Variants in COL11A1 observed in about 807,000 individuals in gnomAD.
The protein encoded by COL11A1 is collagen type XI alpha 1 chain, also known as collagen alpha-1(XI) chain.
COL11A1 carries 74 observed loss-of-function variants against 265.2 expected under a neutral mutation model. The ratio of observed to expected loss-of-function variants is 0.28; its 90% confidence interval spans 0.23 to 0.34. The LOEUF is 0.34. Ranked by LOEUF, COL11A1 falls within the 10% of genes least tolerant of loss-of-function variation. COL11A1 has a pLI of 1.00. For missense variants in COL11A1, 2,165 were observed against 2,263.6 expected (o/e 0.96, Z 0.88); for synonymous variants, 816 against 727.6 (o/e 1.12, Z -1.96).
rs773318998 is a variant in COL11A1 at position 102,935,070 on chromosome 1, G to C, written c.3482C>G (p.Pro1161Arg). ...PPGLQGPVGA[P>R]GIAGGDGEPG... ...ATGTGGAATACTCACAGCAATTCCAGGGGCACCAACTGGTCCTTGAAGACC... is the reference window on the plus strand; with the variant it reads ...ATGTGGAATACTCACAGCAATTCCACGGGCACCAACTGGTCCTTGAAGACC... Residue 1161 changes from proline (P) to arginine (R), a missense_variant, in exon 45 of 67, where the codon CCT (proline) becomes CGT (arginine). Coordinates refer to ENST00000370096, the MANE Select transcript of COL11A1 (RefSeq NM_001854.4). The C allele has an allele frequency of 1.2e-6, 2 of 1,614,054 alleles. No individual in the cohort carries two copies. The highest frequency in any genetic ancestry group is 1.7e-6 in the Non-Finnish European group (2 of 1,179,954).
intron 4 of COL11A1, among the ~76,000 whole-genome samples, chr1:103,067,809 G>T (rs1158677418): frequency 6.6e-6 from 1 of 151,574 alleles, no homozygotes; most frequent in Non-Finnish European, 1.5e-5. Flanking sequence ...ATAATGAAAT[G>T]CTACAAACAG....
chr1:102,909,901 T>C (rs1438893781), intron 54 of COL11A1, among the ~76,000 whole-genome samples: 1 of 136,668 alleles, frequency 7.3e-6, no homozygotes, highest in African/African-American at 2.5e-5. Context: ...ATTTTAAAAA[T>C]ATGTTATAAT....
At chr1:103,084,845 T>G (rs12727959) in intron 1 of COL11A1, among the ~76,000 whole-genome samples, 6,513 of 152,284 alleles carry the variant, frequency 0.043, 147 homozygotes, top group Middle Eastern at 0.092. Context: ...ATAGGCTCAC[T>G]GATATAAACC....
intron 19 of COL11A1, 58 bp downstream of exon 19, chr1:103,004,550 T>A (rs1402591256): frequency 6.3e-7 from 1 of 1,586,624 alleles, no homozygotes; most frequent in Non-Finnish European, 8.6e-7. Context: ...TTCAACATGA[T>A]TTTGTTTTAT....
At chr1:103,006,427 C>A in intron 15 of COL11A1, 112 bp from the exon 16 acceptor site, 1 of 593,238 alleles carries the variant, frequency 1.7e-6, no homozygotes. Flanking sequence ...TTACCTTAAT[C>A]ATTCAAACAC....
intron 8 of COL11A1, among the ~76,000 whole-genome samples, 169 bp from the exon 9 acceptor site, chr1:103,021,938 C>A (rs1418858122): frequency 6.6e-6 from 1 of 151,554 alleles, no homozygotes; most frequent in African/African-American, 2.4e-5. Context: ...AGCTCGCCTG[C>A]CGGGTTCACG....
chr1:102,917,321 T>C lies in COL11A1; in HGVS notation c.3763-1637A>G, dbSNP rs573153799. On this transcript the variant is annotated intron_variant, in intron 49 of 66. Coordinates refer to ENST00000370096, the MANE Select transcript of COL11A1 (RefSeq NM_001854.4). Reference sequence around the variant, plus strand: ...TAAACTAGACTCCTATCTCTTACCATATACAAAAATCAACTCAAGAAGGAT... The same window carrying C: ...TAAACTAGACTCCTATCTCTTACCACATACAAAAATCAACTCAAGAAGGAT... Among the ~76,000 whole-genome samples, 20 of 151,936 alleles carry C rather than the reference T, an allele frequency of 1.3e-4. 1 individual carries two copies. Among genetic ancestry groups the C allele is most frequent in the Non-Finnish European group, 2.5e-4 (17 of 67,860 alleles).
intron 14 of COL11A1, among the ~76,000 whole-genome samples, chr1:103,009,989 T>A (rs1665964058): frequency 6.6e-6 from 1 of 152,166 alleles, no homozygotes; most frequent in Non-Finnish European, 1.5e-5. Flanking sequence ...TCGACTGTAT[T>A]ACATTCTCTG....
At chr1:102,994,861 T>C (rs1235144965) in intron 28 of COL11A1, among the ~76,000 whole-genome samples, 1 of 152,084 alleles carries the variant, frequency 6.6e-6, no homozygotes, top group African/African-American at 2.4e-5. Flanking sequence ...CAGTTCTGCA[T>C]GGCTGGGGAA....
intron 41 of COL11A1, among the ~76,000 whole-genome samples, chr1:102,948,628 A>G (rs1298618209): frequency 6.6e-6 from 1 of 152,050 alleles, no homozygotes; most frequent in Non-Finnish European, 1.5e-5. Flanking sequence ...AATGAGTTGT[A>G]TGTAAACTCT....
intron 29 of COL11A1, among the ~76,000 whole-genome samples, chr1:102,988,371 T>C (rs1480542799): frequency 1.3e-5 from 2 of 152,196 alleles, no homozygotes; most frequent in Non-Finnish European, 1.5e-5. Flanking sequence ...TTGTGGAGGC[T>C]AATTTGAGTA....
At chr1:103,078,592 G>T in intron 3 of COL11A1, 66 bp downstream of exon 3, 1 of 1,458,080 alleles carries the variant, frequency 6.9e-7, no homozygotes, top group Non-Finnish European at 9.6e-7. Context: ...ATAAATATTT[G>T]TTAAGTGACT....
intron 25 of COL11A1, among the ~76,000 whole-genome samples, chr1:102,997,964 C>T (rs185707757): frequency 6.6e-6 from 1 of 151,536 alleles, no homozygotes; most frequent in Non-Finnish European, 1.5e-5. Context: ...GAGGAAACAG[C>T]TTGGGAAAGG....
At chr1:103,066,371 G>A (rs1671146026) in intron 4 of COL11A1, among the ~76,000 whole-genome samples, 2 of 151,680 alleles carry the variant, frequency 1.3e-5, no homozygotes. Flanking sequence ...GTATGACAAG[G>A]AGATTGAAAT....
intron 57 of COL11A1, among the ~76,000 whole-genome samples, chr1:102,897,489 T>C (rs1180625960): frequency 4.6e-5 from 7 of 151,882 alleles, no homozygotes; most frequent in Non-Finnish European, 8.8e-5. Flanking sequence ...AAGGAATTAT[T>C]TTAAAGGGCA....
chr1:103,037,252 T>TTG (rs10582908), intron 4 of COL11A1, among the ~76,000 whole-genome samples: 9,186 of 145,104 alleles, frequency 0.063, 300 homozygotes, highest in Non-Finnish European at 0.076. Flanking sequence ...TACATTTAGA[T>TTG]TGTGTGTGTG....
chr1:103,057,304 G>C (rs1670322033), intron 4 of COL11A1, among the ~76,000 whole-genome samples: 1 of 152,114 alleles, frequency 6.6e-6, no homozygotes, highest in Admixed American at 6.5e-5. Flanking sequence ...ATCTGTTCAA[G>C]TTTTATCATG....
chr1:102,987,564 G>A (rs1663698984), intron 30 of COL11A1, 69 bp downstream of exon 30: 1 of 1,199,932 alleles, frequency 8.3e-7, no homozygotes, highest in Non-Finnish European at 1.2e-6. Flanking sequence ...ACCAGTTATT[G>A]AAAGAAATTT....
chr1:103,080,419 A>G (rs1672312551), intron 2 of COL11A1, among the ~76,000 whole-genome samples: 1 of 151,928 alleles, frequency 6.6e-6, no homozygotes, highest in Non-Finnish European at 1.5e-5. Context: ...TGCAAACTAT[A>G]CATCTGATAA....
Sources: gnomAD v4.1 joint callset for allele counts (sites outside exome capture counted in the v4.1 genomes callset) on GRCh38, gnomAD v4.1.1 for gene constraint, MANE v1.5 for transcripts, NCBI Gene and HGNC (gene_info 2026-07-23, HGNC 2026-07-21) for gene names.